The following NALCN variants were observed in gnomAD, a reference collection of about 807,000 sequenced individuals.
NALCN encodes sodium leak channel, non-selective, also known as sodium leak channel NALCN.
Under a neutral mutation model 225.3 loss-of-function variants are expected in NALCN, and 111 were observed. The observed-to-expected ratio is 0.49, with a 90% confidence interval of 0.42 to 0.58. The LOEUF (loss-of-function observed/expected upper bound fraction) is 0.58. Among genes scored for constraint, NALCN ranks in the 20% least tolerant of loss-of-function variants. The pLI, the probability that NALCN is intolerant of heterozygous loss-of-function variation, is 0.00. For synonymous variants in NALCN, 764 were observed against 769.0 expected, an observed-to-expected ratio of 0.99 and a Z score of 0.11; for missense variants, 1,378 against 2,202.4, an observed-to-expected ratio of 0.63 and a Z score of 7.49.
chr13:101,168,981 C>A (rs1324684903), intron 15 of NALCN, among the ~76,000 whole-genome samples: 1 of 152,152 alleles, frequency 6.6e-6, no homozygotes, highest in Non-Finnish European at 1.5e-5. Flanking sequence ...ACTCAACCTC[C>A]AGATTTCAGT....
At chr13:101,065,235 C>T (rs1039078227) in intron 40 of NALCN, among the ~76,000 whole-genome samples, 169 bp downstream of exon 40, 1 of 152,168 alleles carries the variant, frequency 6.6e-6, no homozygotes, top group East Asian at 1.9e-4. Flanking sequence ...CACTGGAGGA[C>T]GGCAGGAAAG....
At chr13:101,193,072 T>C (rs2039746673) in intron 13 of NALCN, among the ~76,000 whole-genome samples, 3 of 150,552 alleles carry the variant, frequency 2.0e-5, no homozygotes, top group Non-Finnish European at 4.4e-5. Flanking sequence ...ATAGACCTAA[T>C]CTGGTAAAGA....
intron 17 of NALCN, among the ~76,000 whole-genome samples, chr13:101,139,869 A>G (rs1013905058): frequency 2.0e-5 from 3 of 152,162 alleles, no homozygotes; most frequent in African/African-American, 7.2e-5. Flanking sequence ...CTGTCTCCGC[A>G]ATTTGTGCTT....
intron 37 of NALCN, among the ~76,000 whole-genome samples, chr13:101,071,163 G>A (rs2032856116): frequency 6.6e-6 from 1 of 152,220 alleles, no homozygotes; most frequent in Non-Finnish European, 1.5e-5. Flanking sequence ...ATTTGGGTGG[G>A]GACACAGTCA....
intron 15 of NALCN, among the ~76,000 whole-genome samples, chr13:101,161,836 C>A (rs975478855): frequency 6.6e-6 from 1 of 152,214 alleles, no homozygotes; most frequent in Non-Finnish European, 1.5e-5. Context: ...TGTACCACTG[C>A]ACTCCAGCCT....
At chr13:101,149,852 A>G (rs1464227058) in intron 15 of NALCN, among the ~76,000 whole-genome samples, 3 of 152,228 alleles carry the variant, frequency 2.0e-5, no homozygotes, top group Non-Finnish European at 4.4e-5. Flanking sequence ...AGAGAGAAGC[A>G]GCATCAACTA....
rs190364823 is a variant in NALCN, at chr13:101,415,924, C to T, written c.-40+389G>A. Among the ~76,000 whole-genome samples, 182 of 152,288 alleles carry T rather than the reference C, an allele frequency of 1.2e-3. 1 individual carries two copies. Among genetic ancestry groups the T allele is most frequent in the African/African-American group, 4.3e-3 (179 of 41,578 alleles). ...AGTGGCCTCGTCCTCAGCCACCTGCCCCCCAACACCTGCTAGATGCCCAGG... is the reference window on the plus strand; with the variant it reads ...AGTGGCCTCGTCCTCAGCCACCTGCTCCCCAACACCTGCTAGATGCCCAGG... On this transcript the variant is annotated intron_variant, in intron 1 of 43. Coordinates refer to ENST00000251127, the MANE Select transcript of NALCN (RefSeq NM_052867.4).
chr13:101,313,997 T>C (rs1485968858), intron 7 of NALCN, among the ~76,000 whole-genome samples: 1 of 151,930 alleles, frequency 6.6e-6, no homozygotes, highest in African/African-American at 2.4e-5. Flanking sequence ...AATGAAGAGT[T>C]CATGTCCTTT....
chr13:101,119,048 G>A (rs1020698407), intron 18 of NALCN, among the ~76,000 whole-genome samples: 5 of 152,100 alleles, frequency 3.3e-5, no homozygotes, highest in African/African-American at 4.8e-5. Flanking sequence ...TTTCCAAATG[G>A]GAAAAAGCAA....
intron 6 of NALCN, among the ~76,000 whole-genome samples, chr13:101,349,442 A>C (rs1365146780): frequency 6.6e-6 from 1 of 152,190 alleles, no homozygotes; most frequent in Admixed American, 6.6e-5. Flanking sequence ...CTAAAGTTAT[A>C]GGTGTGATTA....
Position 101,103,273 on chromosome 13 carries a change from T to C in NALCN, c.2956A>G (p.Met986Val). ...AGAGGTCTCAGGCACCGAAGGACCA[T>C]TAGAAGCTGAGCTCCCGATTCAGCA... Reference protein sequence around the residue: ...VPAESGAQLLMVLRCLRPLRI... With the variant: ...VPAESGAQLLVVLRCLRPLRI... The change falls in exon 26 of 44, where the codon ATG becomes GTG. Residue 986 changes from methionine (M) to valine (V), a missense_variant. Physicochemically the swap from Met to Val is conservative, Grantham distance 21 (BLOSUM62 1). Around this residue, in one of 19 missense-constraint regions of NALCN, gnomAD observed 292 missense variants for 409.5 expected, o/e 0.71. Coordinates refer to ENST00000251127, the MANE Select transcript of NALCN (RefSeq NM_052867.4). 1 of 1,614,000 alleles carries C rather than the reference T, an allele frequency of 6.2e-7. No individual in the cohort carries two copies.
At chr13:101,362,990 A>AT (rs746459561) in intron 6 of NALCN, among the ~76,000 whole-genome samples, 29 of 152,100 alleles carry the variant, frequency 1.9e-4, no homozygotes, top group Non-Finnish European at 3.1e-4. Flanking sequence ...CATTTACAAT[A>AT]TTTATTAAAA....
chr13:101,286,623 T>G (rs1033719375), intron 9 of NALCN, among the ~76,000 whole-genome samples: 1 of 152,166 alleles, frequency 6.6e-6, no homozygotes, highest in Admixed American at 6.5e-5. Context: ...CTAAGCAACT[T>G]ATTTTGGGCT....
At chr13:101,202,930 C>T (rs1167319092) in intron 13 of NALCN, among the ~76,000 whole-genome samples, 1 of 152,158 alleles carries the variant, frequency 6.6e-6, no homozygotes, top group African/African-American at 2.4e-5. Context: ...AGGTCAAGAA[C>T]CAAGTACTCA....
chr13:101,092,009 G>T (rs538638825), intron 28 of NALCN, among the ~76,000 whole-genome samples: 2 of 152,100 alleles, frequency 1.3e-5, no homozygotes, highest in Non-Finnish European at 2.9e-5. Context: ...TGCTAGCAAA[G>T]TTGCAAAGTT....
chr13:101,213,368 A>C (rs1402480719), intron 13 of NALCN, among the ~76,000 whole-genome samples: 2 of 152,196 alleles, frequency 1.3e-5, no homozygotes, highest in Non-Finnish European at 2.9e-5. Flanking sequence ...AGGCAATACC[A>C]TTCAGGATAT....
chr13:101,149,290 C>CAA (rs57870899), intron 15 of NALCN, among the ~76,000 whole-genome samples: 14 of 142,250 alleles, frequency 9.8e-5, no homozygotes, highest in African/African-American at 3.6e-4. Context: ...GAGACTGTCT[C>CAA]AAAAAAAAAA....
At position 101,258,657 on chromosome 13, in the gene NALCN, C is replaced by A. The variant is rs188808558; in HGVS notation, c.1135-83G>T. The A allele has an allele frequency of 7.6e-6, 12 of 1,574,886 alleles. No homozygotes were observed. The African/African-American group carries it at 1.2e-4, about 16-fold the overall frequency. On this transcript the variant is annotated intron_variant, in intron 10 of 43. Transcript: ENST00000251127. ...AATTGACTTAGTCCTTGGCTGACAG[C>A]ACCTTTGTGATGTGCTGCTATGCAA... is the stretch of plus-strand genomic sequence containing the variant.
At chr13:101,275,273 A>C (rs779166821) in intron 10 of NALCN, among the ~76,000 whole-genome samples, 3 of 152,166 alleles carry the variant, frequency 2.0e-5, no homozygotes, top group Admixed American at 6.5e-5. Context: ...ACAAACCAAA[A>C]CAAAACAGAA....
Sources: allele counts gnomAD v4.1 joint callset (sites outside exome capture counted in the v4.1 genomes callset), GRCh38; gene constraint gnomAD v4.1.1; regional missense constraint gnomAD v4.1.1; transcripts MANE v1.5; gene names NCBI Gene and HGNC (gene_info 2026-07-23, HGNC 2026-07-21).